Variants in OR51B5 observed in about 807,000 individuals in gnomAD.
The protein encoded by OR51B5 is olfactory receptor family 51 subfamily B member 5, also known as olfactory receptor 51B5.
For missense variants in OR51B5, 456 were observed against 374.6 expected, an observed-to-expected ratio of 1.22 and a Z score of -1.79; for synonymous variants, 186 against 144.8, an observed-to-expected ratio of 1.28 and a Z score of -2.04.
chr11:5,374,495 G>T (rs542006428), intron 1 of OR51B5, among the ~76,000 whole-genome samples: 1 of 152,162 alleles, frequency 6.6e-6, no homozygotes, highest in East Asian at 1.9e-4. Context: ...TGACTTTGAC[G>T]AGCTGAGAGA....
intron 1 of OR51B5, chr11:5,390,197 A>G (rs764811393): frequency 1.9e-6 from 3 of 1,614,026 alleles, no homozygotes; most frequent in South Asian, 1.1e-5. Flanking sequence ...CTTTGTGCCC[A>G]TGATGGGGCT....
chr11:5,419,671 G>A (rs935260524), intron 1 of OR51B5, among the ~76,000 whole-genome samples: 2 of 152,022 alleles, frequency 1.3e-5, no homozygotes, highest in African/African-American at 4.8e-5. Context: ...ATCCAGGAGA[G>A]CTCCTGGAAA....
At chr11:5,477,282 C>T (rs1851323474) in intron 1 of OR51B5, among the ~76,000 whole-genome samples, 1 of 152,126 alleles carries the variant, frequency 6.6e-6, no homozygotes, top group African/African-American at 2.4e-5. Context: ...ATGGCTCTGA[C>T]AGGAAAGAGA....
intron 1 of OR51B5, among the ~76,000 whole-genome samples, chr11:5,496,919 T>C (rs1015577615): frequency 6.6e-6 from 1 of 152,128 alleles, no homozygotes; most frequent in African/African-American, 2.4e-5. Flanking sequence ...AGCACTTCAT[T>C]AGAGTCAATG....
intron 1 of OR51B5, chr11:5,403,194 TA>T (rs1211590338): frequency 2.1e-6 from 1 of 471,342 alleles, no homozygotes; most frequent in South Asian, 1.5e-5. Context: ...TAACAATATC[TA>T]TGGGATTTTC....
chr11:5,495,126 T>G (rs977159898), intron 1 of OR51B5, among the ~76,000 whole-genome samples: 1 of 152,158 alleles, frequency 6.6e-6, no homozygotes, highest in Non-Finnish European at 1.5e-5. Flanking sequence ...GATGAGAGGT[T>G]CTAGCACTAC....
At chr11:5,405,553 A>G (rs1425020934) in intron 1 of OR51B5, among the ~76,000 whole-genome samples, 2 of 151,946 alleles carry the variant, frequency 1.3e-5, no homozygotes, top group African/African-American at 4.8e-5. Flanking sequence ...TACATTCTCT[A>G]TCTCTGCTGT....
intron 1 of OR51B5, among the ~76,000 whole-genome samples, chr11:5,442,379 C>A (rs1454495932): frequency 6.6e-6 from 1 of 152,172 alleles, no homozygotes; most frequent in Non-Finnish European, 1.5e-5. Flanking sequence ...AAAGAGATTT[C>A]TCTCCTTCTC....
chr11:5,440,856 T>C (rs781508381), intron 1 of OR51B5: 1 of 1,613,744 alleles, frequency 6.2e-7, no homozygotes, highest in African/African-American at 1.3e-5. Flanking sequence ...GATCAATGCG[T>C]AGGAAAGCAG....
At chr11:5,437,411 AT>A (rs900325230) in intron 1 of OR51B5, among the ~76,000 whole-genome samples, 3 of 152,142 alleles carry the variant, frequency 2.0e-5, no homozygotes, top group African/African-American at 7.2e-5. Flanking sequence ...CAGAGAGGAT[AT>A]GACCTGACTG....
chr11:5,503,800 A>G (rs1342761807), intron 1 of OR51B5, among the ~76,000 whole-genome samples: 2 of 152,218 alleles, frequency 1.3e-5, no homozygotes, highest in East Asian at 3.8e-4. Context: ...TCAATATCAC[A>G]AATTCTGCCC....
chr11:5,459,073 G>A (rs1851006553), intron 1 of OR51B5, among the ~76,000 whole-genome samples: 1 of 152,156 alleles, frequency 6.6e-6, no homozygotes, highest in Non-Finnish European at 1.5e-5. Context: ...CATTTAGTAT[G>A]ATGTTGGCTG....
At chr11:5,375,285 A>G (rs1039091084) in intron 1 of OR51B5, among the ~76,000 whole-genome samples, 2 of 151,524 alleles carry the variant, frequency 1.3e-5, no homozygotes, top group African/African-American at 2.4e-5. Context: ...GCAAATGCTG[A>G]GAGATTTTGT....
chr11:5,453,295 T>C, intron 1 of OR51B5: 1 of 428,130 alleles, frequency 2.3e-6, no homozygotes, highest in Non-Finnish European at 4.1e-6. Flanking sequence ...CTGATCATCA[T>C]AAAATATGAA....
intron 1 of OR51B5, among the ~76,000 whole-genome samples, chr11:5,355,758 A>T (rs1180545839): frequency 8.3e-5 from 3 of 36,310 alleles, no homozygotes; most frequent in African/African-American, 1.9e-4. Context: ...TTACCTTTAA[A>T]AATTAAAAAA....
intron 1 of OR51B5, among the ~76,000 whole-genome samples, chr11:5,436,429 G>A (rs1424140893): frequency 3.9e-5 from 6 of 152,170 alleles, no homozygotes; most frequent in Non-Finnish European, 8.8e-5. Context: ...TCTGCTCACA[G>A]GCCTGAGATT....
At chr11:5,370,039 G>T (rs1196150572) in intron 1 of OR51B5, among the ~76,000 whole-genome samples, 1 of 152,112 alleles carries the variant, frequency 6.6e-6, no homozygotes, top group African/African-American at 2.4e-5. Flanking sequence ...GGCCCCAGGA[G>T]AGTCAGTGTT....
chr11:5,433,447 C>G (rs991460133), intron 1 of OR51B5, among the ~76,000 whole-genome samples: 5 of 152,192 alleles, frequency 3.3e-5, no homozygotes, highest in African/African-American at 1.2e-4. Context: ...ATTCACTCAA[C>G]AGATTTGATG....
chr11:5,373,127 A>G (rs1254645388), intron 1 of OR51B5, among the ~76,000 whole-genome samples: 1 of 152,186 alleles, frequency 6.6e-6, no homozygotes, highest in Non-Finnish European at 1.5e-5. Context: ...GCAAAAGAAT[A>G]AAATTGGACC....
Sources: gnomAD v4.1 joint callset for allele counts (sites outside exome capture counted in the v4.1 genomes callset) on GRCh38, gnomAD v4.1.1 for gene constraint, MANE v1.5 for transcripts, NCBI Gene and HGNC (gene_info 2026-07-23, HGNC 2026-07-21) for gene names.